Variants in ELMO1 observed in about 807,000 individuals in gnomAD.
ELMO1 encodes engulfment and cell motility 1, also known as engulfment and cell motility protein 1.
A neutral mutation model predicts 98.9 loss-of-function variants in ELMO1; 26 were observed. The observed-to-expected ratio is 0.26, with a 90% CI of 0.19 to 0.36. ELMO1 has a LOEUF of 0.36. Ranked by LOEUF, ELMO1 falls within the 10% of genes least tolerant of loss-of-function variation. The pLI, the probability that ELMO1 is intolerant of heterozygous loss-of-function variation, is 1.00. For missense variants in ELMO1, 627 were observed against 935.2 expected (o/e 0.67, Z 4.30); for synonymous variants, 346 against 346.0 (o/e 1.00, Z 0.00).
intron 13 of ELMO1, among the ~76,000 whole-genome samples, chr7:37,135,817 G>T (rs541905579): frequency 3.3e-5 from 5 of 152,286 alleles, no homozygotes; most frequent in Admixed American, 1.3e-4. Context: ...ACAAAACAAG[G>T]TTCTTTAATA....
chr7:37,127,018 T>C (rs1455690493), intron 14 of ELMO1, among the ~76,000 whole-genome samples: 3 of 152,222 alleles, frequency 2.0e-5, no homozygotes, highest in Non-Finnish European at 2.9e-5. Context: ...CTAACTTTTT[T>C]AGAGCCTGGG....
rs564371041 is a variant in ELMO1, at chr7:37,387,272, C to A, written c.-73-44509G>T. ...AAAGCATCACTAACTGTCTCACAGT[C>A]GTGGAGGCTAGAAGTTACAAGGCCA... On this transcript the variant is annotated intron_variant, in intron 1 of 21. Transcript: ENST00000310758. Among the ~76,000 whole-genome samples, 3 of 152,320 alleles carry A rather than the reference C, an allele frequency of 2.0e-5. No homozygotes were observed. The East Asian group carries it at 5.8e-4, about 29-fold the overall frequency.
At chr7:36,879,589 C>G (rs184958230) in intron 18 of ELMO1, among the ~76,000 whole-genome samples, 3 of 152,146 alleles carry the variant, frequency 2.0e-5, no homozygotes, top group African/African-American at 7.2e-5. Context: ...ACACAATGAA[C>G]AAAGAAAATG....
intron 1 of ELMO1, among the ~76,000 whole-genome samples, chr7:37,402,663 G>T (rs13245967): frequency 6.6e-6 from 1 of 152,006 alleles, no homozygotes; most frequent in African/African-American, 2.4e-5. Context: ...CCTGACTTCT[G>T]GTTAAGTAAA....
chr7:37,449,160 A>G (rs1472422710), upstream of ELMO1: 2 of 152,322 alleles, frequency 1.3e-5, no homozygotes, highest in African/African-American at 4.8e-5. Context: ...GAAATGTCAA[A>G]CACCATGCAT....
intron 1 of ELMO1, among the ~76,000 whole-genome samples, chr7:37,413,323 C>G (rs1474432958): frequency 6.6e-6 from 1 of 152,120 alleles, no homozygotes; most frequent in Non-Finnish European, 1.5e-5. Context: ...CCTCTTCGTC[C>G]TTTGTATTGT....
chr7:37,110,131 T>C (rs1785169164), intron 14 of ELMO1, among the ~76,000 whole-genome samples: 1 of 152,260 alleles, frequency 6.6e-6, no homozygotes, highest in Non-Finnish European at 1.5e-5. Context: ...AGCCTCAGTG[T>C]TGAAATATCA....
At chr7:37,005,291 G>C (rs544660078) in intron 16 of ELMO1, among the ~76,000 whole-genome samples, 1 of 152,000 alleles carries the variant, frequency 6.6e-6, no homozygotes, top group South Asian at 2.1e-4. Context: ...ACAACCCCAG[G>C]ACAGTCCCTG....
chr7:37,260,803 T>C (rs1795938677), intron 5 of ELMO1, among the ~76,000 whole-genome samples: 1 of 152,190 alleles, frequency 6.6e-6, no homozygotes, highest in African/African-American at 2.4e-5. Context: ...TCCCTACTTA[T>C]CTATTCACTG....
At chr7:37,338,763 G>A (rs570864083) in intron 2 of ELMO1, among the ~76,000 whole-genome samples, 1 of 152,300 alleles carries the variant, frequency 6.6e-6, no homozygotes, top group Non-Finnish European at 1.5e-5. Context: ...GGCTCCCCGG[G>A]CTTGAAACTC....
rs749186791 is a variant in ELMO1, at chr7:37,222,625, T to G, written c.770A>C (p.Glu257Ala). The G allele has an allele frequency of 4.3e-6, 7 of 1,613,920 alleles. No individual in the cohort carries two copies. The highest frequency in any genetic ancestry group is 5.9e-6 in the Non-Finnish European group (7 of 1,179,932). The change falls in exon 10 of 22, where the codon GAG becomes GCG. Residue 257 changes from glutamate (E) to alanine (A), a missense_variant. Glu to Ala is a moderately radical substitution (Grantham distance 107). This residue lies in a region of ELMO1 where 492 missense variants were observed against 715.6 expected (regional missense o/e 0.69). Coordinates refer to ENST00000310758, the MANE Select transcript of ELMO1 (RefSeq NM_014800.11). ...AGAAATGCAACTTACCTGCCTCCTC[T>G]CATCAGGAGCCTTCAGGAAAAGCGC... Reference protein sequence around the residue: ...INALFLKAPDERRQEMANILA... With the variant: ...INALFLKAPDARRQEMANILA...
At chr7:37,001,698 A>G (rs1281906557) in intron 16 of ELMO1, among the ~76,000 whole-genome samples, 1 of 152,220 alleles carries the variant, frequency 6.6e-6, no homozygotes, top group Non-Finnish European at 1.5e-5. Context: ...AAATGGGGGA[A>G]GACGTTTCTG....
At chr7:36,965,757 A>C (rs899119231) in intron 16 of ELMO1, among the ~76,000 whole-genome samples, 8 of 152,170 alleles carry the variant, frequency 5.3e-5, no homozygotes, top group Non-Finnish European at 4.4e-5. Flanking sequence ...GGAAAAAAAA[A>C]CCCATTCCAA....
intron 4 of ELMO1, among the ~76,000 whole-genome samples, chr7:37,276,365 T>G (rs1355113715): frequency 3.3e-5 from 5 of 152,232 alleles, no homozygotes; most frequent in Non-Finnish European, 5.9e-5. Context: ...TCCCAGCACT[T>G]TGGGAGGCCC....
intron 16 of ELMO1, among the ~76,000 whole-genome samples, chr7:36,915,280 C>T (rs1408876606): frequency 6.6e-6 from 1 of 152,190 alleles, no homozygotes; most frequent in Non-Finnish European, 1.5e-5. Context: ...AAAGGCTAAG[C>T]TTACATGCAT....
chr7:37,031,274 A>T (rs1403374601), intron 15 of ELMO1, among the ~76,000 whole-genome samples: 1 of 152,176 alleles, frequency 6.6e-6, no homozygotes, highest in African/African-American at 2.4e-5. Flanking sequence ...GCCTCTTCAC[A>T]ACACGGACCC....
At chr7:37,221,517 G>GA (rs895871709) in intron 10 of ELMO1, among the ~76,000 whole-genome samples, 2 of 151,908 alleles carry the variant, frequency 1.3e-5, no homozygotes, top group Non-Finnish European at 1.5e-5. Flanking sequence ...CATGTTGATT[G>GA]AAAAAAACAT....
In ELMO1 at chr7:37,080,250, T is replaced by C. The variant is rs867317092; in HGVS notation, c.1300+16369A>G. On this transcript the variant is annotated intron_variant, in intron 15 of 21. Coordinates refer to ENST00000310758, the MANE Select transcript of ELMO1 (RefSeq NM_014800.11). ...TCTCAACTTGCTTATTGTAGTGGGGTATATTAACTTGCTCTCCCACAGTCT... is the reference window on the plus strand; with the variant it reads ...TCTCAACTTGCTTATTGTAGTGGGGCATATTAACTTGCTCTCCCACAGTCT... Among the ~76,000 whole-genome samples the C allele has an allele frequency of 3.9e-5, 6 of 152,130 alleles. No homozygotes were observed. In the South Asian group the frequency reaches 6.2e-4, roughly 16 times the overall value.
intron 16 of ELMO1, among the ~76,000 whole-genome samples, chr7:36,967,099 C>T (rs898120480): frequency 1.3e-5 from 2 of 152,176 alleles, no homozygotes; most frequent in African/African-American, 4.8e-5. Context: ...TAACAAACGC[C>T]TCTGGTCTCT....
Sources: gnomAD v4.1 joint callset for allele counts (sites outside exome capture counted in the v4.1 genomes callset) on GRCh38, gnomAD v4.1.1 for gene constraint, gnomAD v4.1.1 regional missense constraint, MANE v1.5 for transcripts, NCBI Gene and HGNC (gene_info 2026-07-23, HGNC 2026-07-21) for gene names.